The following ENO2 variants were observed in gnomAD, a reference collection of about 807,000 sequenced individuals.
ENO2 encodes the protein gamma-enolase.
A neutral mutation model predicts 48.7 loss-of-function variants in ENO2; 19 were observed. The ratio of observed to expected loss-of-function variants is 0.39; its 90% CI spans 0.27 to 0.57. The LOEUF (loss-of-function observed/expected upper bound fraction) is 0.57. Ranked by LOEUF, ENO2 falls within the 20% of genes least tolerant of loss-of-function variation. The pLI, the probability that ENO2 is intolerant of heterozygous loss-of-function variation, is 0.58. For missense variants in ENO2, 416 were observed against 555.0 expected, an observed-to-expected ratio of 0.75 and a Z score of 2.52; for synonymous variants, 198 against 213.4, an observed-to-expected ratio of 0.93 and a Z score of 0.63.
intron 8 of ENO2, among the ~76,000 whole-genome samples, 184 bp downstream of exon 8, chr12:6,919,947 A>G (rs1190342519): frequency 2.0e-5 from 3 of 152,152 alleles, no homozygotes; most frequent in Non-Finnish European, 4.4e-5. Flanking sequence ...GTAAAAATGC[A>G]GGTACCCGTG....
intron 5 of ENO2, 143 bp from the exon 6 acceptor site, chr12:6,917,438 A>G (rs1945301813): frequency 7.9e-6 from 9 of 1,142,558 alleles, no homozygotes; most frequent in Non-Finnish European, 1.1e-5. Flanking sequence ...TCAAGAGAGC[A>G]TGGATGAGGT....
At chr12:6,920,436 C>A (rs781889640) in intron 8 of ENO2, among the ~76,000 whole-genome samples, 14 of 143,316 alleles carry the variant, frequency 9.8e-5, no homozygotes, top group Non-Finnish European at 1.5e-4. Flanking sequence ...TTTGACTCTT[C>A]TTGCCCAGGC....
At position 6,916,583 on chromosome 12, in the gene ENO2, GTCC is replaced by G. The variant is rs1945294029; in HGVS notation, c.181+77_181+79del. 6.2e-7 allele frequency: 1 copy of G among 1,611,332 alleles called. No individual in the cohort carries two copies. Among genetic ancestry groups the G allele is most frequent in the East Asian group, 2.2e-5 (1 of 44,866 alleles). On this transcript the variant is annotated intron_variant, in intron 3 of 11. Coordinates refer to ENST00000229277, the MANE Select transcript of ENO2 (RefSeq NM_001975.3). This position sits in a 1 kb window ranked among gnomAD's most constrained non-coding sequence, Gnocchi z 4.5. ...TGCCCCTACCTCACACCAGTCCCCA[GTCC>G]TCCTCTAGCATGGCTTCCCCTCCTC...
Position 6,922,887 on chromosome 12 carries a change from A to C in ENO2, c.*87A>C. The C allele has an allele frequency of 6.7e-7, 1 of 1,491,872 alleles. No individual in the cohort carries two copies. Among genetic ancestry groups the C allele is most frequent in the Middle Eastern group, 1.7e-4 (1 of 5,836 alleles). 92.4% of individuals were successfully genotyped at this position (1,491,872 alleles called of 1,614,324 possible). A position where few individuals can be genotyped will look rare whatever the true frequency, so the allele number is the denominator to read the frequency against. On this transcript the variant is annotated 3_prime_UTR_variant, in exon 12 of 12. Transcript: ENST00000229277. The surrounding 1 kb of genome is among the most constrained non-coding windows in gnomAD (Gnocchi z 5.3). The stretch of plus-strand genomic sequence containing the variant: ...GATCTGTGATAGTTCACCCCCTGAG[A>C]TCCCCTGAGCCCCAGGGTGCCCAGA...
intron 7 of ENO2, 75 bp downstream of exon 7, chr12:6,918,237 C>T (rs1246648669): frequency 6.6e-7 from 1 of 1,509,968 alleles, no homozygotes. Flanking sequence ...ACACAGTTCA[C>T]CAAGTCCTGA....
At chr12:6,919,207 C>A (rs1484931656) in intron 7 of ENO2, among the ~76,000 whole-genome samples, 1 of 152,090 alleles carries the variant, frequency 6.6e-6, no homozygotes, top group Non-Finnish European at 1.5e-5. Context: ...GGCCAAATAA[C>A]CTGGATTTAT....
In ENO2 at chr12:6,923,311, A is replaced by T. The variant is rs782210532; in HGVS notation, c.*511A>T. ...GTGTATTTATTTATTTATTTATTTT[A>T]TTTGTTTTTCATTCATCCCATTAAT... is the stretch of plus-strand genomic sequence containing the variant. On this transcript the variant is annotated 3_prime_UTR_variant, in exon 12 of 12. Transcript: ENST00000229277. 1.3e-5 allele frequency: 2 copies of T among 151,956 alleles called. No individual in the cohort carries two copies. The highest frequency in any genetic ancestry group is 2.4e-5 in the African/African-American group (1 of 41,300). The allele number at this position is 151,956 out of a possible 1,614,324, so 9.4% of individuals were successfully genotyped here.
chr12:6,922,259 G>A lies in ENO2; in HGVS notation c.1177-85G>A, dbSNP rs1945347691. 2.5e-6 allele frequency: 4 copies of A among 1,610,146 alleles called. No individual in the cohort carries two copies. Among genetic ancestry groups the A allele is most frequent in the Non-Finnish European group, 3.4e-6 (4 of 1,176,654 alleles). ...TCTCTCCTTCCAGGTGTTTGAGGGT[G>A]TCAGGGGAGTTTCAGGAGAGCAGAA... On this transcript the variant is annotated intron_variant, in intron 10 of 11. Coordinates refer to ENST00000229277, the MANE Select transcript of ENO2 (RefSeq NM_001975.3). This position sits in a 1 kb window ranked among gnomAD's most constrained non-coding sequence, Gnocchi z 5.3.
chr12:6,918,475 C>G (rs218738), intron 7 of ENO2, among the ~76,000 whole-genome samples: 2 of 151,662 alleles, frequency 1.3e-5, no homozygotes, highest in Non-Finnish European at 2.9e-5. Flanking sequence ...CTCAGCCTCC[C>G]GAGTAGCTGG....
chr12:6,921,291 G>A (rs1555142071), intron 8 of ENO2, among the ~76,000 whole-genome samples: 1 of 152,172 alleles, frequency 6.6e-6, no homozygotes, highest in Admixed American at 6.5e-5. Flanking sequence ...CTACTCAGGA[G>A]GCTGAGGTGG....
In ENO2 at chr12:6,923,220, CTG is replaced by C; in HGVS notation, c.*423_*424del. 4.6e-6 allele frequency: 1 copy of C among 218,768 alleles called. No homozygotes were observed. The highest frequency in any genetic ancestry group is 7.4e-5 in the South Asian group (1 of 13,484). The allele number at this position is 218,768 out of a possible 1,614,324, so 13.6% of individuals were successfully genotyped here. A position where few individuals can be genotyped will look rare whatever the true frequency, so the allele number is the denominator to read the frequency against. ...TTCCACTTTGCATATGAGCCGTGAA[CTG>C]TGCATAGTGCTGGGATGGAGGGGAG... On this transcript the variant is annotated 3_prime_UTR_variant, in exon 12 of 12. Coordinates refer to ENST00000229277, the MANE Select transcript of ENO2 (RefSeq NM_001975.3).
rs2071074 is a variant in ENO2 at position 6,916,599 on chromosome 12, G to C, written c.182-72G>C. 39,414 of 1,610,958 alleles carry C rather than the reference G, an allele frequency of 0.024. 3,839 individuals carry two copies. The East Asian group carries it at 0.28, about 12-fold the overall frequency. On this transcript the variant is annotated intron_variant, in intron 3 of 11. Transcript: ENST00000229277. The surrounding 1 kb of genome is among the most constrained non-coding windows in gnomAD (Gnocchi z 4.5). ...CAGTCCCCAGTCCTCCTCTAGCATG[G>C]CTTCCCCTCCTCCCATTGATCCCTT...
At chr12:6,915,961 ACGGCCAGGCTGGGTT>A (rs781850811) in intron 2 of ENO2, 44 bp downstream of exon 2, 1 of 1,606,192 alleles carries the variant, frequency 6.2e-7, no homozygotes, top group South Asian at 1.1e-5. Flanking sequence ...TAGCTTTTCC[ACGGCCAGGCTGGGTT>A]CGGCCAGGGG....
Position 6,922,768 on chromosome 12 carries a change from G to C in ENO2, c.1273G>C (p.Gly425Arg), listed in dbSNP as rs1330055309. Residue 425 changes from glycine to arginine, a missense_variant, in exon 12 of 12, where the codon GGA becomes CGA. Physicochemically the swap from Gly to Arg is moderately radical, Grantham distance 125. Transcript: ENST00000229277. This position sits in a 1 kb window ranked among gnomAD's most constrained non-coding sequence, Gnocchi z 5.3. ...GCTGGGGGATGAAGCTCGCTTTGCC[G>C]GACATAACTTCCGTAATCCCAGTGT... ...EELGDEARFAGHNFRNPSVL is the reference protein window; with the variant it reads ...EELGDEARFARHNFRNPSVL The C allele has an allele frequency of 1.2e-6, 2 of 1,614,038 alleles. No individual in the cohort carries two copies. The highest frequency in any genetic ancestry group is 1.1e-5 in the South Asian group (1 of 91,074).
chr12:6,921,219 C>T (rs1388237560), intron 8 of ENO2, among the ~76,000 whole-genome samples: 1 of 152,102 alleles, frequency 6.6e-6, no homozygotes, highest in Non-Finnish European at 1.5e-5. Context: ...TACAGTGAGA[C>T]CTCATCTCTA....
Position 6,922,185 on chromosome 12 carries a change from A to G in ENO2, c.1176+21A>G, listed in dbSNP as rs782820907. On this transcript the variant is annotated intron_variant, in intron 10 of 11. Coordinates refer to ENST00000229277, the MANE Select transcript of ENO2 (RefSeq NM_001975.3). This position sits in a 1 kb window ranked among gnomAD's most constrained non-coding sequence, Gnocchi z 5.3. The stretch of plus-strand genomic sequence containing the variant: ...GCCAGGTGAGTGAGGCAGCCTGGTG[A>G]GTGAAGAGAACTCTCTGTGGGATTG... The G allele has an allele frequency of 1.2e-6, 2 of 1,611,120 alleles. No homozygotes were observed. Among genetic ancestry groups the G allele is most frequent in the East Asian group, 2.2e-5 (1 of 44,854 alleles).
At chr12:6,915,653 G>A in intron 1 of ENO2, 168 bp from the exon 2 acceptor site, 1 of 615,108 alleles carries the variant, frequency 1.6e-6, no homozygotes, top group Non-Finnish European at 2.9e-6. Context: ...GGGGGAGGGG[G>A]AATCCCTTCT....
intron 1 of ENO2, 117 bp from the exon 2 acceptor site, chr12:6,915,704 C>G (rs368304597): frequency 2.0e-5 from 7 of 350,708 alleles, no homozygotes; most frequent in Admixed American, 8.6e-5. Flanking sequence ...ACCCACCCCC[C>G]ACCCACTGCA....
Position 6,916,452 on chromosome 12 carries a change from A to T in ENO2, c.121A>T (p.Thr41Ser), listed in dbSNP as rs782785737. Residue 41 changes from threonine to serine, a missense_variant, in exon 3 of 12, where the codon ACG becomes TCG. Physicochemically the swap from Thr to Ser is moderately conservative, Grantham distance 58. Coordinates refer to ENST00000229277, the MANE Select transcript of ENO2 (RefSeq NM_001975.3). This position sits in a 1 kb window ranked among gnomAD's most constrained non-coding sequence, Gnocchi z 4.5. ...FRAAVPSGAS[T>S]GIYEALELRD... ...GGCTGCAGTGCCCAGTGGAGCCTCT[A>T]CGGGCATCTATGAGGCCCTGGAGCT... is the stretch of plus-strand genomic sequence containing the variant. 6.2e-7 allele frequency: 1 copy of T among 1,613,964 alleles called. No homozygotes were observed. Among genetic ancestry groups the T allele is most frequent in the South Asian group, 1.1e-5 (1 of 91,028 alleles).
Sources: allele counts gnomAD v4.1 joint callset (sites outside exome capture counted in the v4.1 genomes callset), GRCh38; gene constraint gnomAD v4.1.1; non-coding constraint Gnocchi (gnomAD v3.1); transcripts MANE v1.5; gene names NCBI Gene and HGNC (gene_info 2026-07-23, HGNC 2026-07-21).